The following NPHS2 variants were observed in gnomAD, a reference collection of about 807,000 sequenced individuals.
The protein encoded by NPHS2 is podocin.
A neutral mutation model predicts 37.1 loss-of-function variants in NPHS2; 36 were observed. The observed-to-expected ratio is 0.97, with a 90% CI of 0.74 to 1.28. The LOEUF is 1.28. Among genes scored for constraint, NPHS2 ranks in the 50% most tolerant of loss-of-function variants. The probability of loss-of-function intolerance (pLI) is 0.00; values close to 1 mark genes in which losing one functional copy is unlikely to be tolerated. For synonymous variants in NPHS2, 196 were observed against 189.3 expected, an observed-to-expected ratio of 1.04 and a Z score of -0.29; for missense variants, 447 against 488.1, an observed-to-expected ratio of 0.92 and a Z score of 0.79.
chr1:179,559,775 G>T lies in NPHS2; in HGVS notation c.452-14C>A. 6.5e-7 allele frequency: 1 copy of T among 1,548,362 alleles called. No homozygotes were observed. The highest frequency in any genetic ancestry group is 1.8e-5 in the Admixed American group (1 of 54,868). On this transcript the variant is annotated splice_polypyrimidine_tract_variant and intron_variant, in intron 3 of 7. Transcript: ENST00000367615. ...AAAAGAAAAGACCTAAAAGAGAGGA[G>T]GAGGAAGTGACAGATAAATAGCTAG...
At position 179,557,050 on chromosome 1, in the gene NPHS2, T is replaced by G. The variant is rs1351645343; in HGVS notation, c.715A>C (p.Lys239Gln). Residue 239 changes from lysine (K) to glutamine (Q), a missense_variant, in exon 5 of 8, where the codon AAG becomes CAG. By Grantham distance (53) the Lys-to-Gln change is moderately conservative. Coordinates refer to ENST00000367615, the MANE Select transcript of NPHS2 (RefSeq NM_014625.4). ...ACCTTTGCATCTTGGGCGATGCTCT[T>G]CCTCTCTAGAAGAATTTCAGTGAGG... ...RSLTEILLER[K>Q]SIAQDAKVAL... The G allele has an allele frequency of 6.2e-7, 1 of 1,613,920 alleles. No homozygotes were observed. Among genetic ancestry groups the G allele is most frequent in the Admixed American group, 1.7e-5 (1 of 59,990 alleles).
chr1:179,564,863 G>A, intron 1 of NPHS2, 70 bp from the exon 2 acceptor site: 2 of 1,267,532 alleles, frequency 1.6e-6, no homozygotes, highest in East Asian at 2.5e-5. Context: ...GCATCTGTTG[G>A]TCCAATTCTT....
rs781246634 is a variant in NPHS2, at chr1:179,551,314, A to G, written c.1011T>C (p.Thr337=). 5.6e-6 allele frequency: 9 copies of G among 1,614,054 alleles called. 1 individual carries two copies. In the South Asian group the frequency reaches 9.9e-5, roughly 18 times the overall value. Residue 337 remains threonine, a synonymous_variant, in exon 8 of 8, where the codon ACT becomes ACC. Transcript: ENST00000367615. ...LQSLSTEKPS[T]VVLPLPFDLL... ...GGTCAAATGGCAAAGGTAAAACCAC[A>G]GTGGAAGGCTTCTCTGTGGACAGAG... is the stretch of plus-strand genomic sequence containing the variant.
intron 1 of NPHS2, among the ~76,000 whole-genome samples, chr1:179,570,770 C>CT (rs1313732390): frequency 6.6e-6 from 1 of 152,200 alleles, no homozygotes; most frequent in African/African-American, 2.4e-5. Flanking sequence ...TCTTTTTACT[C>CT]TTTTTTCTCT....
At chr1:179,567,181 A>T (rs1572289379) in intron 1 of NPHS2, among the ~76,000 whole-genome samples, 1 of 152,254 alleles carries the variant, frequency 6.6e-6, no homozygotes, top group East Asian at 1.9e-4. Flanking sequence ...CATGATATTG[A>T]TTCTTCCTAT....
At chr1:179,552,400 A>G in intron 7 of NPHS2, 2 of 621,796 alleles carry the variant, frequency 3.2e-6, no homozygotes, top group Non-Finnish European at 2.9e-6. Flanking sequence ...CACTATTATC[A>G]GTAGCTTCAG....
chr1:179,565,715 T>TC (rs1477090607), intron 1 of NPHS2, among the ~76,000 whole-genome samples: 1 of 149,412 alleles, frequency 6.7e-6, no homozygotes, highest in Non-Finnish European at 1.5e-5. Flanking sequence ...ATGCTATCCC[T>TC]CCCCCAGCTC....
chr1:179,563,180 C>T (rs1258081679), intron 2 of NPHS2, among the ~76,000 whole-genome samples: 1 of 152,182 alleles, frequency 6.6e-6, no homozygotes, highest in African/African-American at 2.4e-5. Context: ...GCTATCCTAA[C>T]ATCAGAGAAA....
chr1:179,555,318 A>G (rs1673865102), intron 5 of NPHS2, among the ~76,000 whole-genome samples: 1 of 152,158 alleles, frequency 6.6e-6, no homozygotes, highest in Non-Finnish European at 1.5e-5. Context: ...TCTTTCATTT[A>G]TAGGATGTTT....
At chr1:179,557,005 G>C in intron 5 of NPHS2, 22 bp downstream of exon 5, 1 of 1,565,992 alleles carries the variant, frequency 6.4e-7, no homozygotes, top group Non-Finnish European at 8.8e-7. Flanking sequence ...CAGCATATTG[G>C]CCATTATGTT....
chr1:179,573,778 G>A (rs990283911), intron 1 of NPHS2, among the ~76,000 whole-genome samples: 2 of 152,100 alleles, frequency 1.3e-5, no homozygotes, highest in Non-Finnish European at 2.9e-5. Flanking sequence ...ATACAGTAGC[G>A]AGAGATATGC....
chr1:179,567,990 T>C (rs1377179864), intron 1 of NPHS2, among the ~76,000 whole-genome samples: 1 of 152,226 alleles, frequency 6.6e-6, no homozygotes, highest in Non-Finnish European at 1.5e-5. Flanking sequence ...TCGATGTTCA[T>C]CAGGGATATT....
At position 179,556,715 on chromosome 1, in the gene NPHS2, C is replaced by G. The variant is rs1284110032; in HGVS notation, c.738+312G>C. 6.6e-6 allele frequency among the ~76,000 whole-genome samples: 1 copy of G among 152,142 alleles called. No homozygotes were observed. The highest frequency in any genetic ancestry group is 2.4e-5 in the African/African-American group (1 of 41,428). On this transcript the variant is annotated intron_variant, in intron 5 of 7. Coordinates refer to ENST00000367615, the MANE Select transcript of NPHS2 (RefSeq NM_014625.4). This position sits in a 1 kb window ranked among gnomAD's most constrained non-coding sequence, Gnocchi z 4.1. ...TGTGTACCAACCCCTCCTGTCCATC[C>G]CCACCAACCCCACCGTTCCTGCCAG...
chr1:179,562,309 G>A (rs538688776), intron 2 of NPHS2, among the ~76,000 whole-genome samples: 25 of 152,240 alleles, frequency 1.6e-4, no homozygotes, highest in African/African-American at 4.1e-4. Flanking sequence ...GTTCAATTGC[G>A]TGTTTATCAC....
In NPHS2 at chr1:179,552,625, G is replaced by A. The variant is rs780761368; in HGVS notation, c.851C>T (p.Ala284Val). 7.4e-6 allele frequency: 12 copies of A among 1,613,620 alleles called. No individual in the cohort carries two copies. Among genetic ancestry groups the A allele is most frequent in the Admixed American group, 5.0e-5 (3 of 59,982 alleles). Residue 284 changes from alanine to valine, a missense_variant, in exon 7 of 8, where the codon GCG becomes GTG. Transcript: ENST00000367615. ...CACCCGCACTTTGGCTTGTCTTTGC[G>A]CTTCAGCCTCCACAGCCAGTGAGTG... Reference protein sequence around the residue: ...LQHSLAVEAEAQRQAKVRMIA... With the variant: ...LQHSLAVEAEVQRQAKVRMIA...
Position 179,572,885 on chromosome 1 carries a change from A to G in NPHS2, c.274+2706T>C, listed in dbSNP as rs541097385. Among the ~76,000 whole-genome samples, 3 of 149,452 alleles carry G rather than the reference A, an allele frequency of 2.0e-5. 1 individual carries two copies. The South Asian group carries it at 6.3e-4, about 31-fold the overall frequency. On this transcript the variant is annotated intron_variant, in intron 1 of 7. Coordinates refer to ENST00000367615, the MANE Select transcript of NPHS2 (RefSeq NM_014625.4). ...CTGGGTCTTGCTCTCTCCAGGCTGGAGTGCAGTGATGCAATCATGGCTTTC... is the reference window on the plus strand; with the variant it reads ...CTGGGTCTTGCTCTCTCCAGGCTGGGGTGCAGTGATGCAATCATGGCTTTC...
chr1:179,565,913 A>G (rs1392657683), intron 1 of NPHS2, among the ~76,000 whole-genome samples: 1 of 152,040 alleles, frequency 6.6e-6, no homozygotes, highest in African/African-American at 2.4e-5. Flanking sequence ...ATCCTTTTTT[A>G]TGGCTGCATA....
chr1:179,573,467 G>A (rs3765547), intron 1 of NPHS2, among the ~76,000 whole-genome samples: 36,979 of 152,034 alleles, frequency 0.24, 4,966 homozygotes, highest in East Asian at 0.36. Flanking sequence ...TGAGAATCTC[G>A]CAAAGCATTC....
chr1:179,559,074 G>C (rs1674041293), intron 4 of NPHS2, among the ~76,000 whole-genome samples: 1 of 152,168 alleles, frequency 6.6e-6, no homozygotes, highest in African/African-American at 2.4e-5. Context: ...TGGCTCATGT[G>C]CTTATGGAAG....
Sources: gnomAD v4.1 joint callset for allele counts (sites outside exome capture counted in the v4.1 genomes callset) on GRCh38, gnomAD v4.1.1 for gene constraint, Gnocchi (gnomAD v3.1) non-coding constraint, MANE v1.5 for transcripts, NCBI Gene and HGNC (gene_info 2026-07-23, HGNC 2026-07-21) for gene names.